Variants in SORCS2 observed in about 807,000 individuals in gnomAD.
The protein encoded by SORCS2 is sortilin related VPS10 domain containing receptor 2, also known as VPS10 domain-containing receptor SorCS2.
In SORCS2, 100 loss-of-function variants were observed where a neutral mutation model predicts 141.6. The ratio of observed to expected loss-of-function variants is 0.71; its 90% CI spans 0.60 to 0.83. SORCS2 has a LOEUF of 0.83. Ranked by LOEUF, SORCS2 falls within the 40% of genes least tolerant of loss-of-function variation. SORCS2 has a pLI of 0.00. For synonymous variants in SORCS2, 789 were observed against 676.9 expected, an observed-to-expected ratio of 1.17 and a Z score of -2.57; for missense variants, 1,646 against 1,560.2, an observed-to-expected ratio of 1.05 and a Z score of -0.93.
At position 7,494,806 on chromosome 4, in the gene SORCS2, C is replaced by T. The variant is rs150629858; in HGVS notation, c.549-36724C>T. On this transcript the variant is annotated intron_variant, in intron 2 of 26. Coordinates refer to ENST00000507866, the MANE Select transcript of SORCS2 (RefSeq NM_020777.3). ...GTGGTTGGCGGTAAGGGGTGTCATCCGGTCCACAGCTCCTGACTTCTGCAG... is the reference window on the plus strand; with the variant it reads ...GTGGTTGGCGGTAAGGGGTGTCATCTGGTCCACAGCTCCTGACTTCTGCAG... Among the ~76,000 whole-genome samples the T allele has an allele frequency of 9.2e-5, 14 of 152,266 alleles. No individual in the cohort carries two copies. In the East Asian group the frequency reaches 1.7e-3, roughly 19 times the overall value.
rs761925375 is a variant in SORCS2, at chr4:7,712,873, G to C, written c.1989+20G>C. 4.3e-6 allele frequency: 7 copies of C among 1,612,768 alleles called. No homozygotes were observed. Among genetic ancestry groups the C allele is most frequent in the Non-Finnish European group, 5.9e-6 (7 of 1,179,752 alleles). ...CTGCAGGTGGGCCGGCATGAGGCTG[G>C]GATCGGGCAGGTGGGGTACAGACTG... On this transcript the variant is annotated intron_variant, in intron 15 of 26. Transcript: ENST00000507866.
chr4:7,573,318 C>T (rs1159688907), intron 3 of SORCS2, among the ~76,000 whole-genome samples: 6 of 152,216 alleles, frequency 3.9e-5, no homozygotes, highest in African/African-American at 7.2e-5. Context: ...ACTCCAGAGA[C>T]ATCCCTTTGC....
At chr4:7,381,843 G>C (rs1399608205) in intron 1 of SORCS2, 29 of 945,180 alleles carry the variant, frequency 3.1e-5, no homozygotes, top group Non-Finnish European at 3.5e-5. Context: ...GGGCCAGAGA[G>C]CCTTAGGCTC....
chr4:7,291,336 G>A (rs1277046755), intron 1 of SORCS2, among the ~76,000 whole-genome samples: 2 of 152,160 alleles, frequency 1.3e-5, no homozygotes, highest in Non-Finnish European at 2.9e-5. Flanking sequence ...GGTGCAGACG[G>A]GCCACGGAGC....
At chr4:7,535,169 C>T (rs1394372016) in intron 3 of SORCS2, among the ~76,000 whole-genome samples, 2 of 152,216 alleles carry the variant, frequency 1.3e-5, no homozygotes, top group Non-Finnish European at 2.9e-5. Context: ...ACCTCCTCAC[C>T]ACAGGACAAA....
rs1270378205 is a variant in SORCS2, at chr4:7,543,772, C to CT, written c.648+12143_648+12144insT. Among the ~76,000 whole-genome samples the CT allele has an allele frequency of 6.4e-5, 7 of 110,196 alleles. No individual in the cohort carries two copies. The East Asian group carries it at 2.0e-3, about 31-fold the overall frequency. 72.3% of individuals were successfully genotyped at this position (110,196 alleles called of 152,430 possible). On this transcript the variant is annotated intron_variant, in intron 3 of 26. Transcript: ENST00000507866. ...TCCACCCATCCACCCACCCATCCGTCCATCCATCCACTCATCCATCCATCC... is the reference window on the plus strand; with the variant it reads ...TCCACCCATCCACCCACCCATCCGTCTCATCCATCCACTCATCCATCCATCC...
intron 3 of SORCS2, among the ~76,000 whole-genome samples, chr4:7,544,249 C>T (rs568479637): frequency 6.6e-6 from 1 of 152,364 alleles, no homozygotes; most frequent in South Asian, 2.1e-4. Context: ...CAACTAATAT[C>T]TATCCCATGG....
intron 2 of SORCS2, among the ~76,000 whole-genome samples, chr4:7,404,990 C>T (rs1724880711): frequency 6.6e-6 from 1 of 152,072 alleles, no homozygotes; most frequent in African/African-American, 2.4e-5. Flanking sequence ...AGTTTTGGGC[C>T]TTACATTAAA....
intron 1 of SORCS2, among the ~76,000 whole-genome samples, chr4:7,307,161 T>G (rs913043762): frequency 2.0e-5 from 3 of 152,180 alleles, no homozygotes; most frequent in African/African-American, 7.2e-5. Context: ...GACGCCAGCC[T>G]CATCGGCCCT....
At position 7,193,662 on chromosome 4, in the gene SORCS2, C is replaced by T. The variant is rs1726994833; in HGVS notation, c.480+536C>T. 6.6e-6 allele frequency among the ~76,000 whole-genome samples: 1 copy of T among 152,204 alleles called. No individual in the cohort carries two copies. The highest frequency in any genetic ancestry group is 2.1e-4 in the South Asian group (1 of 4,828). On this transcript the variant is annotated intron_variant, in intron 1 of 26. Coordinates refer to ENST00000507866, the MANE Select transcript of SORCS2 (RefSeq NM_020777.3). This position sits in a 1 kb window ranked among gnomAD's most constrained non-coding sequence, Gnocchi z 4.8. ...TGGGATTTCTGGGTTACCCCTCTCCCCGGGGTACTCTAGTGCGACCCGCGG... is the reference window on the plus strand; with the variant it reads ...TGGGATTTCTGGGTTACCCCTCTCCTCGGGGTACTCTAGTGCGACCCGCGG...
intron 3 of SORCS2, among the ~76,000 whole-genome samples, chr4:7,541,884 C>T (rs1313357965): frequency 6.6e-6 from 1 of 152,212 alleles, no homozygotes; most frequent in Non-Finnish European, 1.5e-5. Context: ...GTTTTGATTC[C>T]AGGACTCCAG....
intron 2 of SORCS2, among the ~76,000 whole-genome samples, chr4:7,411,543 C>T (rs1033226089): frequency 2.6e-5 from 4 of 151,954 alleles, no homozygotes; most frequent in Non-Finnish European, 4.4e-5. Context: ...TTCTTCCTTC[C>T]ATTTGCTATC....
At chr4:7,354,303 G>C (rs1385264531) in intron 1 of SORCS2, among the ~76,000 whole-genome samples, 3 of 151,844 alleles carry the variant, frequency 2.0e-5, no homozygotes, top group Non-Finnish European at 4.4e-5. Flanking sequence ...CCCATGGTAA[G>C]GCAAGAGGAC....
intron 2 of SORCS2, among the ~76,000 whole-genome samples, chr4:7,484,709 G>C (rs1301531003): frequency 6.6e-6 from 1 of 152,160 alleles, no homozygotes; most frequent in Non-Finnish European, 1.5e-5. Flanking sequence ...ACTCTGAGCT[G>C]GGCGGGCATT....
chr4:7,720,676 A>G (rs1413787836), intron 18 of SORCS2, among the ~76,000 whole-genome samples: 1 of 152,230 alleles, frequency 6.6e-6, no homozygotes, highest in African/African-American at 2.4e-5. Context: ...TCCAGTTAGG[A>G]AATGAGCAGA....
At chr4:7,650,854 A>C (rs750124534) in intron 4 of SORCS2, among the ~76,000 whole-genome samples, 8 of 151,860 alleles carry the variant, frequency 5.3e-5, no homozygotes, top group Non-Finnish European at 1.2e-4. Context: ...GCAACAAAAC[A>C]CGGTGAGCTC....
At chr4:7,530,397 C>T (rs1423724815) in intron 2 of SORCS2, among the ~76,000 whole-genome samples, 1 of 152,198 alleles carries the variant, frequency 6.6e-6, no homozygotes, top group Non-Finnish European at 1.5e-5. Context: ...GAGTTGCCCC[C>T]AGTCCCCTGA....
In SORCS2 at chr4:7,193,018, C is replaced by T. The variant is rs918999070; in HGVS notation, c.372C>T (p.Ala124=). 20 of 1,492,704 alleles carry T rather than the reference C, an allele frequency of 1.3e-5. No individual in the cohort carries two copies. The highest frequency in any genetic ancestry group is 5.8e-5 in the African/African-American group (4 of 68,768). The allele number at this position is 1,492,704 out of a possible 1,614,324, so 92.5% of individuals were successfully genotyped here. The change falls in exon 1 of 27, where the codon GCC becomes GCT. Residue 124 remains alanine (A), a synonymous_variant. Coordinates refer to ENST00000507866, the MANE Select transcript of SORCS2 (RefSeq NM_020777.3). The surrounding 1 kb of genome is among the most constrained non-coding windows in gnomAD (Gnocchi z 4.8). ...GCTGGGAGCGGGCGGCGCCGCTGGC[C>T]GGAGTGGCTTCGCGGGCGCAGGTCT... ...YRRWERAAPL[A]GVASRAQVSL...
chr4:7,302,453 G>T (rs1034440153), intron 1 of SORCS2, among the ~76,000 whole-genome samples: 2 of 152,118 alleles, frequency 1.3e-5, no homozygotes, highest in African/African-American at 4.8e-5. Flanking sequence ...TGCCCAGAAC[G>T]CCCTCCCTGC....
Sources: gnomAD v4.1 joint callset for allele counts (sites outside exome capture counted in the v4.1 genomes callset) on GRCh38, gnomAD v4.1.1 for gene constraint, Gnocchi (gnomAD v3.1) non-coding constraint, MANE v1.5 for transcripts, NCBI Gene and HGNC (gene_info 2026-07-23, HGNC 2026-07-21) for gene names.